Variants in C8orf34 observed in about 807,000 individuals in gnomAD.
The protein encoded by C8orf34 is chromosome 8 open reading frame 34, also known as uncharacterized protein C8orf34.
C8orf34 carries 65 observed loss-of-function variants against 68.3 expected under a neutral mutation model. That is an observed-to-expected ratio of 0.95 (90% CI 0.78 to 1.17). The LOEUF is 1.17. Ranked by LOEUF, C8orf34 falls within the 50% of genes most tolerant of loss-of-function variation. The pLI is 0.00. For synonymous variants in C8orf34, 244 were observed against 241.2 expected (o/e 1.01, Z -0.11); for missense variants, 664 against 655.4 (o/e 1.01, Z -0.14).
intron 1 of C8orf34, among the ~76,000 whole-genome samples, chr8:68,359,195 G>T (rs1806879136): frequency 6.6e-6 from 1 of 152,088 alleles, no homozygotes; most frequent in Non-Finnish European, 1.5e-5. Flanking sequence ...AAAAAGAACA[G>T]AAAACAAGAA....
At chr8:68,816,341 C>G (rs934401024) in intron 13 of C8orf34, among the ~76,000 whole-genome samples, 5 of 152,010 alleles carry the variant, frequency 3.3e-5, no homozygotes, top group African/African-American at 4.8e-5. Flanking sequence ...TTATATATCC[C>G]CTGCAGTTAT....
intron 10 of C8orf34, among the ~76,000 whole-genome samples, chr8:68,747,404 G>T (rs1417330815): frequency 6.7e-6 from 1 of 149,546 alleles, no homozygotes; most frequent in Non-Finnish European, 1.5e-5. Flanking sequence ...GCAGGAGAAG[G>T]AAATAAAGGG....
intron 7 of C8orf34, among the ~76,000 whole-genome samples, chr8:68,610,868 T>TTG (rs1477900387): frequency 1.0e-4 from 15 of 148,446 alleles, no homozygotes; most frequent in African/African-American, 3.9e-4. Context: ...TTGGTTTTTT[T>TTG]TTTTTTTTTT....
chr8:68,403,569 G>A (rs1344208848), intron 1 of C8orf34, among the ~76,000 whole-genome samples: 1 of 151,760 alleles, frequency 6.6e-6, no homozygotes, highest in Non-Finnish European at 1.5e-5. Context: ...GGTGTGTGAT[G>A]TTCCCTTCCC....
At chr8:68,370,312 C>T (rs1807503072) in intron 1 of C8orf34, among the ~76,000 whole-genome samples, 1 of 152,140 alleles carries the variant, frequency 6.6e-6, no homozygotes, top group African/African-American at 2.4e-5. Context: ...TATTTTGTCT[C>T]TGTTGCCCAT....
intron 1 of C8orf34, among the ~76,000 whole-genome samples, chr8:68,341,901 T>G (rs1248903022): frequency 6.6e-6 from 1 of 152,172 alleles, no homozygotes; most frequent in Non-Finnish European, 1.5e-5. Context: ...GCCTAACACA[T>G]CAGGGGTTGA....
intron 8 of C8orf34, among the ~76,000 whole-genome samples, chr8:68,671,809 G>A (rs1820019941): frequency 6.6e-6 from 1 of 151,920 alleles, no homozygotes; most frequent in African/African-American, 2.4e-5. Context: ...GTCAATATGG[G>A]GCTTCTAAAG....
intron 8 of C8orf34, among the ~76,000 whole-genome samples, chr8:68,647,935 C>CT (rs1175209779): frequency 6.6e-6 from 1 of 152,088 alleles, no homozygotes; most frequent in Non-Finnish European, 1.5e-5. Context: ...AAATGTATGG[C>CT]TAATAGATAA....
At chr8:68,730,213 T>A (rs1037648075) in intron 10 of C8orf34, among the ~76,000 whole-genome samples, 9 of 152,168 alleles carry the variant, frequency 5.9e-5, no homozygotes, top group African/African-American at 2.2e-4. Flanking sequence ...ATGAATTTTG[T>A]CCCTTGAAAG....
chr8:68,552,433 G>A (rs1417494912), intron 7 of C8orf34, among the ~76,000 whole-genome samples: 4 of 152,008 alleles, frequency 2.6e-5, no homozygotes, highest in Non-Finnish European at 1.5e-5. Context: ...AGTCCTAAGT[G>A]TTTTTTCCAT....
At chr8:68,672,377 G>C (rs1252294198) in intron 8 of C8orf34, among the ~76,000 whole-genome samples, 3 of 152,174 alleles carry the variant, frequency 2.0e-5, no homozygotes, top group Non-Finnish European at 2.9e-5. Context: ...GGGAAGGAAA[G>C]AGTCTTCAAT....
At chr8:68,683,025 T>C (rs1157407196) in intron 8 of C8orf34, among the ~76,000 whole-genome samples, 1 of 152,090 alleles carries the variant, frequency 6.6e-6, no homozygotes, top group Non-Finnish European at 1.5e-5. Flanking sequence ...GTGTGGCTGT[T>C]GAGATTTATC....
chr8:68,381,738 C>CAAAAAAA (rs769290635), intron 1 of C8orf34, among the ~76,000 whole-genome samples: 4 of 72,040 alleles, frequency 5.6e-5, no homozygotes, highest in Admixed American at 2.1e-4. Context: ...GACTCCGTCT[C>CAAAAAAA]AAAAAAAAAA....
chr8:68,550,489 GCTAT>G (rs766123585), intron 7 of C8orf34, among the ~76,000 whole-genome samples: 15 of 151,872 alleles, frequency 9.9e-5, no homozygotes, highest in Non-Finnish European at 1.6e-4. Flanking sequence ...ATTTTGAACA[GCTAT>G]CTGTTAGATC....
intron 7 of C8orf34, among the ~76,000 whole-genome samples, chr8:68,610,146 T>C (rs575964342): frequency 9.2e-5 from 14 of 152,232 alleles, no homozygotes; most frequent in Non-Finnish European, 2.1e-4. Context: ...TATGGAATTT[T>C]TTAATTTACA....
intron 12 of C8orf34, among the ~76,000 whole-genome samples, chr8:68,801,447 A>G (rs909019620): frequency 6.6e-6 from 1 of 152,252 alleles, no homozygotes. Context: ...TGTTTCATTC[A>G]TTTACCTTCC....
chr8:68,570,134 C>T (rs994988509), intron 7 of C8orf34, among the ~76,000 whole-genome samples: 3 of 152,176 alleles, frequency 2.0e-5, no homozygotes, highest in African/African-American at 7.2e-5. Flanking sequence ...GTATCAAAAC[C>T]ATTCCTACAG....
intron 8 of C8orf34, 75 bp from the exon 9 acceptor site, chr8:68,708,919 T>C (rs1419871758): frequency 2.0e-6 from 2 of 1,014,822 alleles, no homozygotes; most frequent in Non-Finnish European, 3.0e-6. Flanking sequence ...CACAGCCATG[T>C]CCCCCATGGT....
chr8:68,515,977 T>C (rs1814494984), intron 5 of C8orf34, among the ~76,000 whole-genome samples: 1 of 152,230 alleles, frequency 6.6e-6, no homozygotes, highest in Non-Finnish European at 1.5e-5. Flanking sequence ...TTGATGTGTA[T>C]AGATCAATGT....
Sources: gnomAD v4.1 joint callset for allele counts (sites outside exome capture counted in the v4.1 genomes callset) on GRCh38, gnomAD v4.1.1 for gene constraint, MANE v1.5 for transcripts, NCBI Gene and HGNC (gene_info 2026-07-23, HGNC 2026-07-21) for gene names.